Variants in KAT6B observed in about 807,000 individuals in gnomAD.
KAT6B encodes the protein lysine acetyltransferase 6B.
Under a neutral mutation model 187.5 loss-of-function variants are expected in KAT6B, and 10 were observed. That is an observed-to-expected ratio of 0.05 (90% CI 0.03 to 0.09). KAT6B has a LOEUF of 0.09. Among genes scored for constraint, KAT6B ranks in the 10% least tolerant of loss-of-function variants. The pLI is 1.00. For synonymous variants in KAT6B, 861 were observed against 926.8 expected, an observed-to-expected ratio of 0.93 and a Z score of 1.29; for missense variants, 1,952 against 2,558.9, an observed-to-expected ratio of 0.76 and a Z score of 5.12.
intron 3 of KAT6B, among the ~76,000 whole-genome samples, chr10:74,857,614 A>G (rs72803412): frequency 0.017 from 2,573 of 152,248 alleles, 36 homozygotes; most frequent in Non-Finnish European, 0.028. Context: ...GGAGCCCATT[A>G]TTTTGCCTGC....
At chr10:74,959,257 G>A (rs1840920639) in intron 3 of KAT6B, among the ~76,000 whole-genome samples, 1 of 151,966 alleles carries the variant, frequency 6.6e-6, no homozygotes, top group African/African-American at 2.4e-5. Context: ...TATTTAGTAG[G>A]TGAATAATAG....
chr10:74,845,563 T>C (rs1842043874), intron 3 of KAT6B, among the ~76,000 whole-genome samples: 1 of 131,550 alleles, frequency 7.6e-6, no homozygotes, highest in Non-Finnish European at 1.7e-5. Context: ...AGGAAAGAAA[T>C]GGTGGTTTTA....
chr10:74,996,289 A>G (rs1843427714), intron 13 of KAT6B, among the ~76,000 whole-genome samples: 2 of 152,198 alleles, frequency 1.3e-5, no homozygotes, highest in African/African-American at 4.8e-5. Flanking sequence ...GTTGCATAGT[A>G]TTTTGGACAG....
At chr10:74,982,354 C>A in intron 11 of KAT6B, 1 of 208,780 alleles carries the variant, frequency 4.8e-6, no homozygotes, top group South Asian at 7.7e-5. Context: ...GTGTTTCCAT[C>A]CACTTCTTGG....
chr10:74,868,105 A>G (rs1321126669), intron 3 of KAT6B, among the ~76,000 whole-genome samples: 1 of 152,208 alleles, frequency 6.6e-6, no homozygotes, highest in Non-Finnish European at 1.5e-5. Flanking sequence ...TAGAGTTTTT[A>G]AAGTTTATTT....
intron 13 of KAT6B, among the ~76,000 whole-genome samples, chr10:74,997,425 C>T (rs568668037): frequency 2.0e-5 from 3 of 152,252 alleles, no homozygotes; most frequent in South Asian, 2.1e-4. Context: ...TCAGTCCTCA[C>T]GGCAACAGTT....
chr10:75,022,177 T>G lies in KAT6B; in HGVS notation c.3318T>G (p.Ile1106Met). The G allele has an allele frequency of 2.5e-6, 4 of 1,613,012 alleles. No homozygotes were observed. Among genetic ancestry groups the G allele is most frequent in the Non-Finnish European group, 3.4e-6 (4 of 1,179,860 alleles). ...EEEEEEEEENIQSSPPRLTKP... is the reference protein window; with the variant it reads ...EEEEEEEEENMQSSPPRLTKP... ...AAGAAGAAGAAGAAGAAGAAAATAT[T>G]CAAAGCTCTCCCCCAAGATTGACGA... The change falls in exon 16 of 18, where the codon ATT (isoleucine) becomes ATG (methionine). Residue 1106 changes from isoleucine to methionine, a missense_variant. Physicochemically the swap from Ile to Met is conservative, Grantham distance 10. Around this residue, in one of 9 missense-constraint regions of KAT6B, gnomAD observed 758 missense variants for 891.4 expected, o/e 0.85. Transcript: ENST00000287239.
At chr10:75,023,195 A>G (rs1469768365) in intron 16 of KAT6B, among the ~76,000 whole-genome samples, 1 of 152,228 alleles carries the variant, frequency 6.6e-6, no homozygotes, top group Non-Finnish European at 1.5e-5. Context: ...CTTTGTCTTC[A>G]GTATCTATCT....
chr10:74,925,130 C>T (rs927479870), intron 3 of KAT6B, among the ~76,000 whole-genome samples: 7 of 152,114 alleles, frequency 4.6e-5, no homozygotes, highest in Non-Finnish European at 7.4e-5. Flanking sequence ...ACCTCTGCCT[C>T]CCGGGTTCAA....
chr10:74,916,698 T>A (rs985700236), intron 3 of KAT6B, among the ~76,000 whole-genome samples: 1 of 152,234 alleles, frequency 6.6e-6, no homozygotes. Flanking sequence ...GATGGGTGCA[T>A]ACATAAATTC....
intron 13 of KAT6B, among the ~76,000 whole-genome samples, chr10:75,001,848 T>G (rs1843854569): frequency 6.6e-6 from 1 of 152,192 alleles, no homozygotes; most frequent in African/African-American, 2.4e-5. Context: ...CCGTTTCACC[T>G]GACTGTATTA....
intron 3 of KAT6B, among the ~76,000 whole-genome samples, chr10:74,867,833 G>A (rs1416639215): frequency 6.6e-6 from 1 of 152,230 alleles, no homozygotes; most frequent in Non-Finnish European, 1.5e-5. Flanking sequence ...AGGGTGGTCA[G>A]TCTAATCCAG....
intron 6 of KAT6B, among the ~76,000 whole-genome samples, chr10:74,970,379 C>T (rs116701224): frequency 6.6e-6 from 1 of 151,950 alleles, no homozygotes; most frequent in African/African-American, 2.4e-5. Flanking sequence ...AAACCATTCC[C>T]CTATTAGAAT....
Position 74,882,357 on chromosome 10 carries a change from C to T in KAT6B, c.621+38879C>T, listed in dbSNP as rs186179574. Among the ~76,000 whole-genome samples, 26 of 152,304 alleles carry T rather than the reference C, an allele frequency of 1.7e-4. 2 individuals carry two copies. In the East Asian group the frequency reaches 4.2e-3, roughly 25 times the overall value. On this transcript the variant is annotated intron_variant, in intron 3 of 17. Coordinates refer to ENST00000287239, the MANE Select transcript of KAT6B (RefSeq NM_012330.4). ...ATTTTACAGTAATTTCGTTCTGCAG[C>T]CATCCTCTTATCTGATACCCTGGAA... is the stretch of plus-strand genomic sequence containing the variant.
intron 3 of KAT6B, among the ~76,000 whole-genome samples, chr10:74,847,664 C>CA (rs56274899): frequency 1.3e-3 from 174 of 137,748 alleles, no homozygotes; most frequent in East Asian, 2.3e-3. Flanking sequence ...AACTCCATCT[C>CA]AAAAAAAAAA....
rs115408466 is a variant in KAT6B, at chr10:74,973,428, C to T, written c.1061+789C>T. 2.9e-3 allele frequency among the ~76,000 whole-genome samples: 445 copies of T among 152,290 alleles called. 3 individuals carry two copies. The highest frequency in any genetic ancestry group is 0.01 in the African/African-American group (425 of 41,558). On this transcript the variant is annotated intron_variant, in intron 7 of 17. Transcript: ENST00000287239. ...TACGAATGGGATCAGTAGACTTGCA[C>T]ATCTATAGCAGTTCTACCAACAGAC...
chr10:74,976,665 C>A, intron 8 of KAT6B: 1 of 393,040 alleles, frequency 2.5e-6, no homozygotes, highest in Non-Finnish European at 4.8e-6. Flanking sequence ...ATGCTCTCCC[C>A]CATGTCACCT....
At chr10:74,912,590 T>C (rs1847323978) in intron 3 of KAT6B, among the ~76,000 whole-genome samples, 1 of 152,182 alleles carries the variant, frequency 6.6e-6, no homozygotes, top group African/African-American at 2.4e-5. Flanking sequence ...TATGTGAGCA[T>C]TTTGCTTTCT....
intron 3 of KAT6B, among the ~76,000 whole-genome samples, chr10:74,845,973 C>G (rs1842073539): frequency 6.6e-6 from 1 of 151,664 alleles, no homozygotes; most frequent in African/African-American, 2.4e-5. Context: ...AAGTGATGCT[C>G]TCACCTCAGC....
Sources: gnomAD v4.1 joint callset for allele counts (sites outside exome capture counted in the v4.1 genomes callset) on GRCh38, gnomAD v4.1.1 for gene constraint, gnomAD v4.1.1 regional missense constraint, MANE v1.5 for transcripts, NCBI Gene and HGNC (gene_info 2026-07-23, HGNC 2026-07-21) for gene names.